WTIP: variants seen among roughly 807,000 people sequenced by gnomAD.
WTIP encodes WT1 interacting protein, also known as Wilms tumor protein 1-interacting protein.
In WTIP, 23 loss-of-function variants were observed where a neutral mutation model predicts 41.7. The observed-to-expected ratio is 0.55, with a 90% confidence interval of 0.40 to 0.78. WTIP has a LOEUF of 0.78. Among genes scored for constraint, WTIP ranks in the 30% least tolerant of loss-of-function variants. WTIP has a pLI of 0.00. For synonymous variants in WTIP, 314 were observed against 269.9 expected, an observed-to-expected ratio of 1.16 and a Z score of -1.60; for missense variants, 619 against 610.5, an observed-to-expected ratio of 1.01 and a Z score of -0.15.
In WTIP at chr19:34,481,769, C is replaced by A; in HGVS notation, c.-206C>A. On this transcript the variant is annotated 5_prime_UTR_variant, in exon 1 of 8. Transcript: ENST00000590071. ...CGCCTGGGAGCTTACATTCCTCCGC[C>A]GCGCGCGCCGCCGAGCAGGGCGCCG... The A allele has an allele frequency of 5.3e-6, 1 of 188,976 alleles. No homozygotes were observed. Among genetic ancestry groups the A allele is most frequent in the Non-Finnish European group, 1.1e-5 (1 of 94,316 alleles). The allele number at this position is 188,976 out of a possible 1,614,324, so 11.7% of individuals were successfully genotyped here.
At position 34,490,890 on chromosome 19, in the gene WTIP, C is replaced by T. The variant is rs2075822197; in HGVS notation, c.769+413C>T. Among the ~76,000 whole-genome samples, 4 of 152,248 alleles carry T rather than the reference C, an allele frequency of 2.6e-5. No homozygotes were observed. In the South Asian group the frequency reaches 8.3e-4, roughly 32 times the overall value. On this transcript the variant is annotated intron_variant, in intron 2 of 7. Transcript: ENST00000590071. ...ACGCTGGAGTGCAGTGGAATGATCT[C>T]GGCTCACTGCAGCCTCTGCCTCCCG...
At chr19:34,499,277 G>A (rs2075871782) in intron 7 of WTIP, among the ~76,000 whole-genome samples, 1 of 151,900 alleles carries the variant, frequency 6.6e-6, no homozygotes, top group Admixed American at 6.6e-5. Flanking sequence ...TTGGGAGGCC[G>A]AGGTGAAGGA....
At chr19:34,495,994 T>C (rs1430518632) in intron 7 of WTIP, among the ~76,000 whole-genome samples, 1 of 152,028 alleles carries the variant, frequency 6.6e-6, no homozygotes, top group Non-Finnish European at 1.5e-5. Flanking sequence ...CCGTCTCTAC[T>C]AAAAATACAA....
At chr19:34,488,913 A>AG (rs1368903772) in intron 1 of WTIP, among the ~76,000 whole-genome samples, 1 of 147,970 alleles carries the variant, frequency 6.8e-6, no homozygotes, top group African/African-American at 2.5e-5. Context: ...AAAAAAAAAA[A>AG]AAGGCCGGGA....
At chr19:34,499,369 G>C (rs947592294) in intron 7 of WTIP, among the ~76,000 whole-genome samples, 1 of 151,048 alleles carries the variant, frequency 6.6e-6, no homozygotes, top group Non-Finnish European at 1.5e-5. Context: ...TTCACAGGGC[G>C]TGGCAGGGTG....
At position 34,500,113 on chromosome 19, in the gene WTIP, C is replaced by T. The variant is rs574389176; in HGVS notation, c.1153-16C>T. ...TGTCTGCTGACTCTGGGGCTGGGGG[C>T]TGTGTTCTTCCCTAGGACTGCGGGC... is the stretch of plus-strand genomic sequence containing the variant. On this transcript the variant is annotated splice_polypyrimidine_tract_variant and intron_variant, in intron 7 of 7. Transcript: ENST00000590071. 11 of 1,597,902 alleles carry T rather than the reference C, an allele frequency of 6.9e-6. No individual in the cohort carries two copies. In the South Asian group the frequency reaches 1.1e-4, roughly 16 times the overall value.
rs1403811704 is a variant in WTIP, at chr19:34,509,299, C to G, written c.*9030C>G. 1 of 140,502 alleles carries G rather than the reference C, an allele frequency of 7.1e-6. No homozygotes were observed. Among genetic ancestry groups the G allele is most frequent in the Non-Finnish European group, 1.5e-5 (1 of 65,492 alleles). The allele number at this position is 140,502 out of a possible 1,614,324, so 8.7% of individuals were successfully genotyped here. On this transcript the variant is annotated 3_prime_UTR_variant, in exon 8 of 8. Transcript: ENST00000590071. ...CACATGGCTGGGGAGGCCTCAGCCT[C>G]CCACATGGCTGGGGAGGCCTCCCAC...
Position 34,509,573 on chromosome 19 carries a change from C to A in WTIP, c.*9304C>A, listed in dbSNP as rs1282562758. On this transcript the variant is annotated 3_prime_UTR_variant, in exon 8 of 8. Coordinates refer to ENST00000590071, the MANE Select transcript of WTIP (RefSeq NM_001080436.2). ...CAAACGATATCATTCTGCCCCTGGC[C>A]CCTTCAAATCTCATGTCCTCACATT... The A allele has an allele frequency of 6.6e-6, 1 of 152,066 alleles. No homozygotes were observed. Among genetic ancestry groups the A allele is most frequent in the Admixed American group, 6.6e-5 (1 of 15,266 alleles). The allele number at this position is 152,066 out of a possible 1,614,324, so 9.4% of individuals were successfully genotyped here.
At position 34,489,237 on chromosome 19, in the gene WTIP, C is replaced by T. The variant is rs974688938; in HGVS notation, c.668-1139C>T. ...AAAAAAAAAATCCTGCATCTAACGC[C>T]GTAGCACTCGTCTCTGCCTGACGTT... On this transcript the variant is annotated intron_variant, in intron 1 of 7. Coordinates refer to ENST00000590071, the MANE Select transcript of WTIP (RefSeq NM_001080436.2). Among the ~76,000 whole-genome samples, 5 of 145,332 alleles carry T rather than the reference C, an allele frequency of 3.4e-5. No homozygotes were observed. In the East Asian group the frequency reaches 8.4e-4, roughly 25 times the overall value.
intron 1 of WTIP, among the ~76,000 whole-genome samples, chr19:34,486,816 C>G (rs540558533): frequency 4.6e-5 from 7 of 152,142 alleles, no homozygotes; most frequent in Admixed American, 4.6e-4. Flanking sequence ...GTGCTCCAGT[C>G]CATGTGGGTC....
chr19:34,500,282 C>G lies in WTIP; in HGVS notation c.*13C>G. 6.3e-7 allele frequency: 1 copy of G among 1,599,118 alleles called. No individual in the cohort carries two copies. Among genetic ancestry groups the G allele is most frequent in the East Asian group, 2.2e-5 (1 of 44,552 alleles). On this transcript the variant is annotated 3_prime_UTR_variant, in exon 8 of 8. Transcript: ENST00000590071. ...CACTGAGCTCTGAGCAGGGGAAAAC[C>G]CGTCCCTGGGCCGGGGTGGGTGTGG...
chr19:34,482,841 C>T (rs900784731), intron 1 of WTIP, 200 bp downstream of exon 1: 47 of 963,466 alleles, frequency 4.9e-5, no homozygotes, highest in Non-Finnish European at 5.8e-5. Flanking sequence ...CCTGGATCCC[C>T]AGCAGCGGCT....
At chr19:34,499,610 CCA>C (rs1348833437) in intron 7 of WTIP, among the ~76,000 whole-genome samples, 1 of 152,170 alleles carries the variant, frequency 6.6e-6, no homozygotes, top group Non-Finnish European at 1.5e-5. Flanking sequence ...TGACTTATAT[CCA>C]GTGACTTCCT....
At chr19:34,490,984 C>T (rs953008973) in intron 2 of WTIP, among the ~76,000 whole-genome samples, 13 of 151,172 alleles carry the variant, frequency 8.6e-5, no homozygotes, top group African/African-American at 2.4e-4. Flanking sequence ...CCACCACGCT[C>T]GGCTAATTTT....
chr19:34,499,744 G>A (rs1394362603), intron 7 of WTIP, among the ~76,000 whole-genome samples: 1 of 150,774 alleles, frequency 6.6e-6, no homozygotes, highest in Non-Finnish European at 1.5e-5. Flanking sequence ...TTGTCACCCA[G>A]GCTGGAATGC....
In WTIP at chr19:34,500,271, C is replaced by T. The variant is rs1432789582; in HGVS notation, c.*2C>T. The T allele has an allele frequency of 1.7e-5, 27 of 1,605,066 alleles. No individual in the cohort carries two copies. The highest frequency in any genetic ancestry group is 2.3e-5 in the Non-Finnish European group (27 of 1,178,138). ...ACTGTGCACGTCACTGAGCTCTGAG[C>T]AGGGGAAAACCCGTCCCTGGGCCGG... On this transcript the variant is annotated 3_prime_UTR_variant, in exon 8 of 8. Transcript: ENST00000590071.
Position 34,481,780 on chromosome 19 carries a change from C to T in WTIP, c.-195C>T, listed in dbSNP as rs1467516182. The T allele has an allele frequency of 6.1e-6, 1 of 165,160 alleles. No individual in the cohort carries two copies. The highest frequency in any genetic ancestry group is 1.2e-5 in the Non-Finnish European group (1 of 80,688). The allele number at this position is 165,160 out of a possible 1,614,324, so 10.2% of individuals were successfully genotyped here. ...TTACATTCCTCCGCCGCGCGCGCCG[C>T]CGAGCAGGGCGCCGCGTCCCCCGGC... On this transcript the variant is annotated 5_prime_UTR_variant, in exon 1 of 8. Transcript: ENST00000590071.
rs1425674125 is a variant in WTIP at position 34,481,896 on chromosome 19, C to A, written c.-79C>A. ...CCCGGGGCGGGCTCCGGGCTTCGGG[C>A]GGACGATGCGGCGGCCCGGCCGGAG... On this transcript the variant is annotated 5_prime_UTR_variant, in exon 1 of 8. Transcript: ENST00000590071. 7.9e-6 allele frequency: 7 copies of A among 886,784 alleles called. No homozygotes were observed. Among genetic ancestry groups the A allele is most frequent in the Admixed American group, 1.3e-4 (2 of 15,752 alleles). The allele number at this position is 886,784 out of a possible 1,614,324, so 54.9% of individuals were successfully genotyped here. A position where few individuals can be genotyped will look rare whatever the true frequency, so the allele number is the denominator to read the frequency against.
intron 1 of WTIP, 161 bp downstream of exon 1, chr19:34,482,802 C>T (rs2075775908): frequency 4.1e-6 from 4 of 984,478 alleles, no homozygotes; most frequent in African/African-American, 1.7e-5. Context: ...CCCCTGGGGA[C>T]TGGGGAGCGC....
Sources: allele counts gnomAD v4.1 joint callset (sites outside exome capture counted in the v4.1 genomes callset), GRCh38; gene constraint gnomAD v4.1.1; transcripts MANE v1.5; gene names NCBI Gene and HGNC (gene_info 2026-07-23, HGNC 2026-07-21).